The following CLOCK variants were observed in gnomAD, a reference collection of about 807,000 sequenced individuals.
CLOCK encodes circadian locomoter output cycles protein kaput.
A neutral mutation model predicts 118.4 loss-of-function variants in CLOCK; 43 were observed. That is an observed-to-expected ratio of 0.36 (90% CI 0.28 to 0.47). The LOEUF (loss-of-function observed/expected upper bound fraction) is 0.47. Ranked by LOEUF, CLOCK falls within the 20% of genes least tolerant of loss-of-function variation. CLOCK has a pLI of 1.00. For missense variants in CLOCK, 846 were observed against 999.9 expected (o/e 0.85, Z 2.08); for synonymous variants, 326 against 339.2 (o/e 0.96, Z 0.43).
intron 22 of CLOCK, among the ~76,000 whole-genome samples, chr4:55,437,836 T>C (rs1307254607): frequency 2.6e-5 from 4 of 152,184 alleles, no homozygotes; most frequent in African/African-American, 9.7e-5. Context: ...TCCTCTGATA[T>C]TAATTTACAA....
chr4:55,503,551 ACACT>A (rs60016209), intron 2 of CLOCK, among the ~76,000 whole-genome samples: 70 of 152,296 alleles, frequency 4.6e-4, no homozygotes, highest in African/African-American at 1.6e-3. Flanking sequence ...CATCAAAATG[ACACT>A]CAGGATTTAT....
chr4:55,450,300 G>T, intron 15 of CLOCK, 68 bp from the exon 16 acceptor site: 1 of 1,583,402 alleles, frequency 6.3e-7, no homozygotes, highest in Non-Finnish European at 8.7e-7. Flanking sequence ...TCACAATACT[G>T]TTAACAACAA....
At chr4:55,544,609 A>C (rs553970138) in intron 1 of CLOCK, among the ~76,000 whole-genome samples, 1 of 152,376 alleles carries the variant, frequency 6.6e-6, no homozygotes, top group African/African-American at 2.4e-5. Flanking sequence ...AAAAATATGA[A>C]AAGCAATCAT....
intron 8 of CLOCK, among the ~76,000 whole-genome samples, chr4:55,469,293 C>A (rs1420428643): frequency 6.6e-6 from 1 of 152,108 alleles, no homozygotes; most frequent in African/African-American, 2.4e-5. Flanking sequence ...CAGGGTCTCT[C>A]CATGTTGGTC....
At chr4:55,507,607 T>C (rs1361445772) in intron 2 of CLOCK, among the ~76,000 whole-genome samples, 1 of 152,110 alleles carries the variant, frequency 6.6e-6, no homozygotes, top group Non-Finnish European at 1.5e-5. Context: ...AGATTCTGTC[T>C]CTAAAATAAA....
At chr4:55,501,011 C>T (rs773029318) in intron 2 of CLOCK, among the ~76,000 whole-genome samples, 1 of 151,940 alleles carries the variant, frequency 6.6e-6, no homozygotes, top group Non-Finnish European at 1.5e-5. Context: ...ACCACCATGC[C>T]TAGGGCTAAT....
At chr4:55,492,164 C>T (rs11725439) in intron 2 of CLOCK, among the ~76,000 whole-genome samples, 5,124 of 152,144 alleles carry the variant, frequency 0.034, 102 homozygotes, top group Non-Finnish European at 0.054. Flanking sequence ...AATCCAAACG[C>T]AACAGTAAAT....
In CLOCK at chr4:55,448,616, G is replaced by A. The variant is rs986173816; in HGVS notation, c.1539+163C>T. Among the ~76,000 whole-genome samples the A allele has an allele frequency of 5.3e-5, 7 of 130,878 alleles. No homozygotes were observed. In the East Asian group the frequency reaches 1.2e-3, roughly 22 times the overall value. 85.9% of individuals were successfully genotyped at this position (130,878 alleles called of 152,430 possible). On this transcript the variant is annotated intron_variant, in intron 18 of 22. Transcript: ENST00000513440. The stretch of plus-strand genomic sequence containing the variant: ...CGCACGCGCGCGTGTGTGTGTGTGT[G>A]TGTGTGTGTGTGTGTGTGTGTGTGT...
rs754834108 is a variant in CLOCK, at chr4:55,453,683, A to G, written c.1124T>C (p.Val375Ala). The G allele has an allele frequency of 6.8e-6, 11 of 1,609,970 alleles. No individual in the cohort carries two copies. The Admixed American group carries it at 1.7e-4, about 24-fold the overall frequency. The change falls in exon 14 of 23, where the codon GTA becomes GCA. Residue 375 changes from valine to alanine, a missense_variant. Val to Ala is a moderately conservative substitution (Grantham distance 64). Transcript: ENST00000513440. ...TCTCTAAAAGAATTATTACCTTACT[A>G]CAGTGTGAGTACAAACAATAAACTC... ...RPEFIVCTHT[V>A]VSYAEVRAER... is the part of the protein sequence containing the mutation.
At chr4:55,492,008 T>C (rs1727733275) in intron 2 of CLOCK, among the ~76,000 whole-genome samples, 1 of 152,120 alleles carries the variant, frequency 6.6e-6, no homozygotes, top group African/African-American at 2.4e-5. Flanking sequence ...CCTCAAATGC[T>C]TCCAACAAAC....
intron 1 of CLOCK, among the ~76,000 whole-genome samples, chr4:55,542,353 T>C (rs1731321808): frequency 9.9e-6 from 1 of 101,148 alleles, no homozygotes; most frequent in Non-Finnish European, 2.0e-5. Context: ...CAAATAATAA[T>C]AATAATAATA....
intron 22 of CLOCK, among the ~76,000 whole-genome samples, chr4:55,435,934 C>G (rs1217887916): frequency 1.3e-5 from 2 of 152,126 alleles, no homozygotes; most frequent in Non-Finnish European, 2.9e-5. Flanking sequence ...ATAGTTATGA[C>G]TATATGAAAA....
rs1553900254 is a variant in CLOCK, at chr4:55,503,978, T to TAAAAGAAAAAAAAAAAAAAAAAA, written c.-136+5933_-136+5934insTTTTTTTTTTTTTTTTTTCTTTT. Reference sequence around the variant, plus strand: ...ACAGTTTCTATTTGGCAAAAAGAGGTAAAAAAAAAAAAAAAAAAAAAAAAA... The same window carrying TAAAAGAAAAAAAAAAAAAAAAAA: ...ACAGTTTCTATTTGGCAAAAAGAGGTAAAAGAAAAAAAAAAAAAAAAAAAAAAAAAAAAAAAAAAAAAAAAAAA... On this transcript the variant is annotated intron_variant, in intron 2 of 22. Coordinates refer to ENST00000513440, the MANE Select transcript of CLOCK (RefSeq NM_004898.4). Among the ~76,000 whole-genome samples the TAAAAGAAAAAAAAAAAAAAAAAA allele has an allele frequency of 1.3e-4, 9 of 71,148 alleles. 1 individual carries two copies. Among genetic ancestry groups the TAAAAGAAAAAAAAAAAAAAAAAA allele is most frequent in the East Asian group, 5.3e-4 (1 of 1,898 alleles). The allele number at this position is 71,148 out of a possible 152,430, so 46.7% of individuals were successfully genotyped here. A position where few individuals can be genotyped will look rare whatever the true frequency, so the allele number is the denominator to read the frequency against.
chr4:55,471,885 C>CAACA (rs1726162708), intron 7 of CLOCK, among the ~76,000 whole-genome samples: 1 of 152,070 alleles, frequency 6.6e-6, no homozygotes. Flanking sequence ...CCAGCCTGAG[C>CAACA]AACATGGCGA....
intron 20 of CLOCK, 72 bp from the exon 21 acceptor site, chr4:55,442,706 T>C (rs1198994216): frequency 2.0e-5 from 25 of 1,260,328 alleles, no homozygotes; most frequent in Non-Finnish European, 2.5e-5. Flanking sequence ...CTAGAATTCA[T>C]CATTCTAACA....
chr4:55,478,685 A>G, intron 6 of CLOCK, 130 bp downstream of exon 6: 2 of 882,840 alleles, frequency 2.3e-6, no homozygotes, highest in South Asian at 3.1e-5. Flanking sequence ...ACATATTAGG[A>G]AACCTTTTAA....
chr4:55,491,965 C>T (rs1727729558), intron 2 of CLOCK, among the ~76,000 whole-genome samples: 1 of 152,120 alleles, frequency 6.6e-6, no homozygotes, highest in Non-Finnish European at 1.5e-5. Flanking sequence ...CTGAAGAATT[C>T]TACCAAACAC....
intron 18 of CLOCK, among the ~76,000 whole-genome samples, chr4:55,448,533 T>C (rs1553891140): frequency 6.6e-6 from 1 of 151,912 alleles, no homozygotes. Flanking sequence ...CCAGATATCC[T>C]AAATGACCCC....
Position 55,453,703 on chromosome 4 carries a change from A to G in CLOCK, c.1104T>C (p.Phe368=). ...TYHQWNSRPE[F]IVCTHTVVSY... Reference sequence around the variant, plus strand: ...TTACTACAGTGTGAGTACAAACAATAAACTCTGGCCTTGAATTCCACTGAT... The same window carrying G: ...TTACTACAGTGTGAGTACAAACAATGAACTCTGGCCTTGAATTCCACTGAT... The change falls in exon 14 of 23, where the codon TTT becomes TTC. Residue 368 remains phenylalanine, a synonymous_variant. Transcript: ENST00000513440. The G allele has an allele frequency of 1.2e-6, 2 of 1,610,948 alleles. No individual in the cohort carries two copies. The highest frequency in any genetic ancestry group is 1.1e-5 in the South Asian group (1 of 90,704).
Sources: gnomAD v4.1 joint callset for allele counts (sites outside exome capture counted in the v4.1 genomes callset) on GRCh38, gnomAD v4.1.1 for gene constraint, MANE v1.5 for transcripts, NCBI Gene and HGNC (gene_info 2026-07-23, HGNC 2026-07-21) for gene names.